The following GPC5 variants were observed in gnomAD, a reference collection of about 807,000 sequenced individuals.
GPC5 encodes the protein glypican 5.
GPC5 carries 47 observed loss-of-function variants against 53.9 expected under a neutral mutation model. That is an observed-to-expected ratio of 0.87 (90% CI 0.69 to 1.11). GPC5 has a LOEUF of 1.11. GPC5 is among the 50% of genes most tolerant of loss of function. GPC5 has a pLI of 0.00. For missense variants in GPC5, 748 were observed against 713.1 expected (o/e 1.05, Z -0.56); for synonymous variants, 286 against 263.3 (o/e 1.09, Z -0.84).
chr13:91,873,827 G>T (rs1042510128), intron 5 of GPC5, among the ~76,000 whole-genome samples: 6 of 152,074 alleles, frequency 3.9e-5, no homozygotes, highest in African/African-American at 1.4e-4. Flanking sequence ...GACCACAGAG[G>T]CACACTACAA....
chr13:92,823,444 A>G (rs965549767), intron 7 of GPC5, among the ~76,000 whole-genome samples: 7 of 152,164 alleles, frequency 4.6e-5, no homozygotes, highest in Non-Finnish European at 1.0e-4. Flanking sequence ...GAATATGCCT[A>G]GAAATTTATA....
chr13:92,299,294 C>T (rs71427553), intron 7 of GPC5, among the ~76,000 whole-genome samples: 1,616 of 152,192 alleles, frequency 0.011, 26 homozygotes, highest in Middle Eastern at 0.048. Context: ...CATATGTCAA[C>T]TTAATCAATT....
chr13:91,675,023 T>C (rs1169840233), intron 2 of GPC5, among the ~76,000 whole-genome samples: 2 of 151,930 alleles, frequency 1.3e-5, no homozygotes, highest in African/African-American at 2.4e-5. Flanking sequence ...CAATCAGAGA[T>C]CATTAACGTG....
chr13:92,469,292 T>G (rs1477038728), intron 7 of GPC5, among the ~76,000 whole-genome samples: 1 of 152,050 alleles, frequency 6.6e-6, no homozygotes, highest in Admixed American at 6.6e-5. Context: ...CACTGCAACC[T>G]CCACCTCCCA....
chr13:92,668,337 C>T (rs968265866), intron 7 of GPC5, among the ~76,000 whole-genome samples: 6 of 152,048 alleles, frequency 3.9e-5, no homozygotes, highest in Non-Finnish European at 7.4e-5. Context: ...AATGGGAAGA[C>T]TAAAAGATTT....
At chr13:92,276,925 G>C (rs1357895209) in intron 7 of GPC5, among the ~76,000 whole-genome samples, 1 of 151,696 alleles carries the variant, frequency 6.6e-6, no homozygotes, top group South Asian at 2.1e-4. Flanking sequence ...ATCCAGAGGA[G>C]GTATATATTA....
At chr13:92,337,967 A>G (rs34726029) in intron 7 of GPC5, among the ~76,000 whole-genome samples, 1,528 of 152,298 alleles carry the variant, frequency 0.01, 26 homozygotes, top group Middle Eastern at 0.048. Context: ...GCTGGACTTC[A>G]TTAAAATTAA....
chr13:92,325,966 A>G (rs1308161598), intron 7 of GPC5, among the ~76,000 whole-genome samples: 1 of 152,108 alleles, frequency 6.6e-6, no homozygotes, highest in South Asian at 2.1e-4. Context: ...AACTTATCCA[A>G]TGGTACATTT....
intron 5 of GPC5, among the ~76,000 whole-genome samples, chr13:91,769,071 C>T (rs955760558): frequency 2.6e-5 from 4 of 152,110 alleles, no homozygotes; most frequent in African/African-American, 4.8e-5. Context: ...CTTATGTGAT[C>T]GTGGGGACTG....
chr13:92,318,233 C>T (rs911913397), intron 7 of GPC5, among the ~76,000 whole-genome samples: 15 of 152,096 alleles, frequency 9.9e-5, no homozygotes, highest in African/African-American at 2.9e-4. Context: ...TGAGTGCCGT[C>T]GGTGGGGTGC....
intron 7 of GPC5, among the ~76,000 whole-genome samples, chr13:92,284,448 T>G (rs890959017): frequency 6.6e-6 from 1 of 152,100 alleles, no homozygotes; most frequent in Non-Finnish European, 1.5e-5. Context: ...AAAAAGAGAA[T>G]TTTAGACCGA....
chr13:92,223,185 G>T (rs2042461690), intron 7 of GPC5, among the ~76,000 whole-genome samples: 1 of 152,018 alleles, frequency 6.6e-6, no homozygotes, highest in Admixed American at 6.5e-5. Context: ...GTTTACACTT[G>T]ACCTCAAAGC....
chr13:91,810,026 A>C (rs2038285304), intron 5 of GPC5, among the ~76,000 whole-genome samples: 1 of 152,012 alleles, frequency 6.6e-6, no homozygotes, highest in African/African-American at 2.4e-5. Context: ...TGTGGTATAA[A>C]ATTGTCTTAA....
At position 91,698,467 on chromosome 13, in the gene GPC5, T is replaced by C. The variant is rs116769855; in HGVS notation, c.1020+4586T>C. ...AAATTTATTAAGTGTTTTTAGGCATTTAAACTATACCTTCAATAAAAGAAA... is the reference window on the plus strand; with the variant it reads ...AAATTTATTAAGTGTTTTTAGGCATCTAAACTATACCTTCAATAAAAGAAA... On this transcript the variant is annotated intron_variant, in intron 3 of 7. Transcript: ENST00000377067. Among the ~76,000 whole-genome samples the C allele has an allele frequency of 5.3e-3, 811 of 152,296 alleles. 15 individuals are homozygous for C. The highest frequency in any genetic ancestry group is 0.019 in the African/African-American group (782 of 41,570).
intron 5 of GPC5, among the ~76,000 whole-genome samples, chr13:91,883,620 T>C (rs2138954659): frequency 6.6e-6 from 1 of 152,214 alleles, no homozygotes; most frequent in Non-Finnish European, 1.5e-5. Context: ...GGGGAAGCCA[T>C]TATAGCTGAA....
chr13:92,144,126 C>T (rs1252772379), intron 6 of GPC5, among the ~76,000 whole-genome samples: 1 of 152,022 alleles, frequency 6.6e-6, no homozygotes, highest in African/African-American at 2.4e-5. Flanking sequence ...CAATGTTGTT[C>T]AAAAGTATTA....
chr13:92,664,534 A>G (rs4418924), intron 7 of GPC5, among the ~76,000 whole-genome samples: 36,170 of 152,062 alleles, frequency 0.24, 5,002 homozygotes, highest in South Asian at 0.39. Context: ...TAGACAACTT[A>G]CTAAAAATTA....
At chr13:92,257,726 AT>A (rs1176356013) in intron 7 of GPC5, among the ~76,000 whole-genome samples, 2 of 150,992 alleles carry the variant, frequency 1.3e-5, no homozygotes, top group Non-Finnish European at 1.5e-5. Flanking sequence ...CATTTTTTGT[AT>A]TTTTAGTAGA....
intron 7 of GPC5, among the ~76,000 whole-genome samples, chr13:92,656,673 T>G (rs1886147274): frequency 6.6e-6 from 1 of 152,252 alleles, no homozygotes; most frequent in Admixed American, 6.5e-5. Context: ...GCTCATTATT[T>G]ACCTAAACTA....
Sources: gnomAD v4.1 joint callset for allele counts (sites outside exome capture counted in the v4.1 genomes callset) on GRCh38, gnomAD v4.1.1 for gene constraint, MANE v1.5 for transcripts, NCBI Gene and HGNC (gene_info 2026-07-23, HGNC 2026-07-21) for gene names.